RIMS2: variants seen among roughly 807,000 people sequenced by gnomAD.
RIMS2 encodes regulating synaptic membrane exocytosis protein 2.
Under a neutral mutation model 174.4 loss-of-function variants are expected in RIMS2, and 59 were observed. The ratio of observed to expected loss-of-function variants is 0.34; its 90% CI spans 0.27 to 0.42. The LOEUF (loss-of-function observed/expected upper bound fraction) is 0.42, where lower values mean the gene tolerates loss of function less well. RIMS2 is among the 10% of genes least tolerant of loss of function. RIMS2 has a pLI of 1.00. For missense variants in RIMS2, 1,620 were observed against 1,666.3 expected (o/e 0.97, Z 0.48); for synonymous variants, 606 against 572.5 (o/e 1.06, Z -0.84).
intron 1 of RIMS2, among the ~76,000 whole-genome samples, chr8:103,511,967 A>G (rs890527099): frequency 1.3e-5 from 2 of 152,268 alleles, no homozygotes; most frequent in African/African-American, 4.8e-5. Context: ...AGGCTGTGGC[A>G]GGCAAGCAGG....
chr8:103,650,291 C>T (rs2096426707), intron 1 of RIMS2, among the ~76,000 whole-genome samples: 1 of 152,086 alleles, frequency 6.6e-6, no homozygotes, highest in Non-Finnish European at 1.5e-5. Flanking sequence ...CAGCCTTCCC[C>T]TTTTTCTGGA....
intron 2 of RIMS2, among the ~76,000 whole-genome samples, chr8:103,743,896 A>G (rs1158066736): frequency 6.6e-6 from 1 of 151,602 alleles, no homozygotes; most frequent in African/African-American, 2.4e-5. Context: ...CTTTTTCTTC[A>G]TTGATTGAGA....
At chr8:103,973,160 A>G (rs561325043) in intron 15 of RIMS2, among the ~76,000 whole-genome samples, 1 of 152,342 alleles carries the variant, frequency 6.6e-6, no homozygotes, top group Admixed American at 6.5e-5. Flanking sequence ...TACTTCCATC[A>G]TCAGAGCAGA....
intron 19 of RIMS2, among the ~76,000 whole-genome samples, chr8:104,096,317 T>C (rs2097761872): frequency 2.0e-5 from 3 of 152,152 alleles, no homozygotes; most frequent in Admixed American, 2.0e-4. Context: ...TAGGCAGAGA[T>C]TCAGAGAAGA....
chr8:104,131,845 T>C lies in RIMS2; in HGVS notation c.3335-113071T>C, dbSNP rs78857363. Among the ~76,000 whole-genome samples the C allele has an allele frequency of 1.3e-3, 193 of 152,320 alleles. 1 individual carries two copies. In the East Asian group the frequency reaches 0.022, roughly 18 times the overall value. ...GGAATATTTCTGGCAAATACCTTTA[T>C]GTAAACTGGATTGATTTAAAACCAA... On this transcript the variant is annotated intron_variant, in intron 19 of 23. Coordinates refer to ENST00000504942, the Ensembl canonical transcript of RIMS2.
At chr8:103,982,654 T>C (rs1343383377) in intron 16 of RIMS2, among the ~76,000 whole-genome samples, 1 of 152,110 alleles carries the variant, frequency 6.6e-6, no homozygotes, top group Admixed American at 6.6e-5. Flanking sequence ...TAAAACCATA[T>C]GATTATTTTA....
intron 3 of RIMS2, among the ~76,000 whole-genome samples, chr8:103,860,018 T>G (rs2099050295): frequency 6.6e-6 from 1 of 152,044 alleles, no homozygotes; most frequent in Non-Finnish European, 1.5e-5. Context: ...GTCACAAGAC[T>G]CCAGTAATAT....
intron 3 of RIMS2, among the ~76,000 whole-genome samples, chr8:103,816,187 G>A (rs550624206): frequency 1.3e-4 from 20 of 152,122 alleles, no homozygotes; most frequent in African/African-American, 4.1e-4. Context: ...TGCAAATATT[G>A]GTTACTCTTG....
chr8:103,664,750 A>G (rs1268080377), intron 1 of RIMS2, among the ~76,000 whole-genome samples: 1 of 152,224 alleles, frequency 6.6e-6, no homozygotes. Context: ...TAGAAATGCC[A>G]TTTGACCCAG....
chr8:104,165,472 A>G (rs186284392), intron 19 of RIMS2, among the ~76,000 whole-genome samples: 238 of 152,154 alleles, frequency 1.6e-3, no homozygotes, highest in African/African-American at 5.3e-3. Context: ...ATGTCATATA[A>G]ATATACTTTT....
intron 1 of RIMS2, among the ~76,000 whole-genome samples, chr8:103,561,933 A>AG (rs2091656424): frequency 6.6e-6 from 1 of 152,206 alleles, no homozygotes; most frequent in African/African-American, 2.4e-5. Flanking sequence ...GTGATAGGAA[A>AG]AGAGAGAGCT....
intron 19 of RIMS2, among the ~76,000 whole-genome samples, chr8:104,106,353 C>T (rs1196188649): frequency 6.6e-6 from 1 of 152,088 alleles, no homozygotes; most frequent in Admixed American, 6.6e-5. Flanking sequence ...TATCCTTATT[C>T]AGAGATGCCT....
intron 1 of RIMS2, among the ~76,000 whole-genome samples, chr8:103,605,353 C>T (rs1177672018): frequency 7.2e-6 from 1 of 139,228 alleles, no homozygotes; most frequent in Non-Finnish European, 1.5e-5. Flanking sequence ...ATGAAGCCCA[C>T]TTGATCATGG....
chr8:103,738,596 A>G (rs1172852610), intron 2 of RIMS2, among the ~76,000 whole-genome samples: 2 of 152,190 alleles, frequency 1.3e-5, no homozygotes, highest in Non-Finnish European at 2.9e-5. Context: ...TGAACAGGCA[A>G]CCTACAGAAT....
chr8:103,931,240 A>G (rs201265766), intron 11 of RIMS2, 23 bp from the exon 14 acceptor site: 232 of 1,557,356 alleles, frequency 1.5e-4, no homozygotes, highest in Non-Finnish European at 1.9e-4. Flanking sequence ...TTGAATTGAT[A>G]AATGAATATT....
At chr8:103,962,871 C>T (rs1201173770) in intron 15 of RIMS2, among the ~76,000 whole-genome samples, 2 of 151,988 alleles carry the variant, frequency 1.3e-5, no homozygotes, top group African/African-American at 4.8e-5. Context: ...TTTTCTAAAC[C>T]CAGCTAAATT....
At chr8:103,846,528 A>G (rs1003778035) in intron 3 of RIMS2, among the ~76,000 whole-genome samples, 3 of 152,242 alleles carry the variant, frequency 2.0e-5, no homozygotes, top group South Asian at 4.1e-4. Context: ...TGAGATGGCT[A>G]TCATTTGAGG....
At chr8:104,105,221 G>T (rs559308973) in intron 19 of RIMS2, among the ~76,000 whole-genome samples, 33 of 152,264 alleles carry the variant, frequency 2.2e-4, no homozygotes, top group Admixed American at 2.1e-3. Context: ...AGAGGTATAA[G>T]TTAGCATAGC....
chr8:103,613,418 T>G (rs762087465), intron 1 of RIMS2, among the ~76,000 whole-genome samples: 3 of 152,118 alleles, frequency 2.0e-5, no homozygotes, highest in Non-Finnish European at 4.4e-5. Context: ...TTGTGGTGAA[T>G]GCTTCCATGT....
Sources: allele counts gnomAD v4.1 joint callset (sites outside exome capture counted in the v4.1 genomes callset), GRCh38; gene constraint gnomAD v4.1.1; transcripts MANE v1.5; gene names NCBI Gene and HGNC (gene_info 2026-07-23, HGNC 2026-07-21).